Variants in NCAM2 observed in about 807,000 individuals in gnomAD.
NCAM2 encodes N-CAM-2.
A neutral mutation model predicts 98.1 loss-of-function variants in NCAM2; 30 were observed. That is an observed-to-expected ratio of 0.31 (90% confidence interval 0.23 to 0.41). The LOEUF is 0.41. Ranked by LOEUF, NCAM2 falls within the 10% of genes least tolerant of loss-of-function variation. The probability of loss-of-function intolerance (pLI) is 1.00; values close to 1 mark genes in which losing one functional copy is unlikely to be tolerated. For synonymous variants in NCAM2, 368 were observed against 342.4 expected (o/e 1.07, Z -0.83); for missense variants, 867 against 1,005.8 (o/e 0.86, Z 1.87).
chr21:21,280,478 A>G, intron 1 of NCAM2, 100 bp from the exon 2 acceptor site: 1 of 730,246 alleles, frequency 1.4e-6, no homozygotes, highest in Non-Finnish European at 2.2e-6. Context: ...ATTGGGGGGA[A>G]ATAATCAGCG....
chr21:21,483,847 A>G (rs1986111503), intron 15 of NCAM2, among the ~76,000 whole-genome samples: 1 of 152,114 alleles, frequency 6.6e-6, no homozygotes, highest in Non-Finnish European at 1.5e-5. Flanking sequence ...GAGTTTGCTT[A>G]TGGCCAATAG....
intron 1 of NCAM2, among the ~76,000 whole-genome samples, chr21:21,008,481 T>C (rs189510301): frequency 2.2e-4 from 33 of 152,330 alleles, no homozygotes; most frequent in African/African-American, 7.9e-4. Flanking sequence ...GAAAGGTAGA[T>C]AGTATTTCTG....
chr21:21,031,471 A>G (rs924882695), intron 1 of NCAM2, among the ~76,000 whole-genome samples: 11 of 152,120 alleles, frequency 7.2e-5, no homozygotes, highest in Admixed American at 3.3e-4. Flanking sequence ...AATCTAAGAT[A>G]GAGATTAGTG....
chr21:21,102,573 G>T (rs992758692), intron 1 of NCAM2, among the ~76,000 whole-genome samples: 16 of 152,046 alleles, frequency 1.1e-4, no homozygotes, highest in Non-Finnish European at 1.3e-4. Flanking sequence ...ATGAAGTTCA[G>T]GAACACTTTT....
chr21:21,306,822 C>T (rs973280192), intron 5 of NCAM2, among the ~76,000 whole-genome samples: 2 of 151,868 alleles, frequency 1.3e-5, no homozygotes, highest in Admixed American at 6.6e-5. Context: ...CATTTACCAT[C>T]CCCACCTCCT....
intron 1 of NCAM2, among the ~76,000 whole-genome samples, chr21:21,260,564 G>GA (rs35470021): frequency 0.66 from 98,277 of 149,108 alleles, 32,756 homozygotes; most frequent in East Asian, 0.89. Flanking sequence ...CCTTCTTGAA[G>GA]AAAAAAAAAA....
intron 1 of NCAM2, among the ~76,000 whole-genome samples, chr21:21,209,905 A>G (rs2069583727): frequency 6.6e-6 from 1 of 152,152 alleles, no homozygotes. Context: ...TTATGGTAAG[A>G]TATTGCGACT....
chr21:21,522,380 G>A (rs1229412496), intron 16 of NCAM2, among the ~76,000 whole-genome samples: 3 of 150,240 alleles, frequency 2.0e-5, no homozygotes. Flanking sequence ...CTTACTGATG[G>A]AGGAAAAATA....
intron 1 of NCAM2, among the ~76,000 whole-genome samples, chr21:21,012,474 A>G (rs1244035765): frequency 6.6e-6 from 1 of 152,122 alleles, no homozygotes; most frequent in African/African-American, 2.4e-5. Context: ...GACAAATTCA[A>G]AATGGCTTAA....
At chr21:21,265,212 ATAGT>A (rs1287606568) in intron 1 of NCAM2, among the ~76,000 whole-genome samples, 4 of 120,524 alleles carry the variant, frequency 3.3e-5, no homozygotes, top group African/African-American at 1.3e-4. Context: ...ATGTGTGTAT[ATAGT>A]ATATTATATT....
At chr21:21,474,988 AAC>A (rs1341778786) in intron 14 of NCAM2, among the ~76,000 whole-genome samples, 1 of 150,364 alleles carries the variant, frequency 6.7e-6, no homozygotes, top group Non-Finnish European at 1.5e-5. Context: ...CTATATATAT[AAC>A]ACATATATAA....
At chr21:21,026,845 T>C (rs993266254) in intron 1 of NCAM2, among the ~76,000 whole-genome samples, 1 of 149,104 alleles carries the variant, frequency 6.7e-6, no homozygotes, top group Non-Finnish European at 1.5e-5. Context: ...TGTTTTCTTT[T>C]CTTCTTCTTC....
intron 6 of NCAM2, among the ~76,000 whole-genome samples, chr21:21,327,908 T>C (rs1036882964): frequency 6.6e-6 from 1 of 152,182 alleles, no homozygotes; most frequent in Non-Finnish European, 1.5e-5. Context: ...GACATGTAAA[T>C]CCAAGAGGGA....
At chr21:21,032,063 A>G (rs373442584) in intron 1 of NCAM2, among the ~76,000 whole-genome samples, 1 of 152,188 alleles carries the variant, frequency 6.6e-6, no homozygotes, top group Non-Finnish European at 1.5e-5. Context: ...ATCAGGCACC[A>G]CTATTATGCC....
At chr21:21,420,794 A>G (rs896363919) in intron 11 of NCAM2, among the ~76,000 whole-genome samples, 3 of 151,660 alleles carry the variant, frequency 2.0e-5, no homozygotes, top group African/African-American at 4.8e-5. Context: ...AGGCAGGGAG[A>G]AAAAAAATCA....
chr21:21,196,800 T>C (rs2069019384), intron 1 of NCAM2, among the ~76,000 whole-genome samples: 1 of 152,214 alleles, frequency 6.6e-6, no homozygotes, highest in East Asian at 1.9e-4. Flanking sequence ...CCGCTTGTTA[T>C]CCCCAGTGTT....
At chr21:21,212,209 C>T (rs982124885) in intron 1 of NCAM2, among the ~76,000 whole-genome samples, 5 of 151,866 alleles carry the variant, frequency 3.3e-5, no homozygotes, top group Non-Finnish European at 5.9e-5. Context: ...TACATATCAC[C>T]GAATATTAGT....
chr21:21,171,620 G>T (rs1184204465), intron 1 of NCAM2, among the ~76,000 whole-genome samples: 4 of 152,114 alleles, frequency 2.6e-5, no homozygotes, highest in African/African-American at 7.2e-5. Flanking sequence ...AATAGCGAGG[G>T]CACTGAGTTT....
intron 1 of NCAM2, among the ~76,000 whole-genome samples, chr21:21,066,367 T>A (rs1181193720): frequency 6.6e-6 from 1 of 152,140 alleles, no homozygotes; most frequent in Non-Finnish European, 1.5e-5. Flanking sequence ...TTGATTTGAA[T>A]TATTCCATAT....
Sources: gnomAD v4.1 joint callset for allele counts (sites outside exome capture counted in the v4.1 genomes callset) on GRCh38, gnomAD v4.1.1 for gene constraint, MANE v1.5 for transcripts, NCBI Gene and HGNC (gene_info 2026-07-23, HGNC 2026-07-21) for gene names.